Variants in PRKN observed in about 807,000 individuals in gnomAD.
PRKN encodes the protein E3 ubiquitin-protein ligase parkin.
Under a neutral mutation model 59.5 loss-of-function variants are expected in PRKN, and 56 were observed. The ratio of observed to expected loss-of-function variants is 0.94; its 90% CI spans 0.76 to 1.18. The LOEUF (loss-of-function observed/expected upper bound fraction) is 1.18. Among genes scored for constraint, PRKN ranks in the 50% most tolerant of loss-of-function variants. The probability of loss-of-function intolerance (pLI) is 0.00; values close to 1 mark genes in which losing one functional copy is unlikely to be tolerated. For missense variants in PRKN, 657 were observed against 596.4 expected (o/e 1.10, Z -1.06); for synonymous variants, 250 against 222.1 (o/e 1.13, Z -1.12).
intron 7 of PRKN, among the ~76,000 whole-genome samples, chr6:161,656,045 G>C (rs1470842970): frequency 3.3e-5 from 5 of 152,198 alleles, no homozygotes; most frequent in African/African-American, 7.2e-5. Flanking sequence ...CTAGTCTGGG[G>C]AGACAGCCGA....
chr6:162,472,511 C>T (rs1201569539), intron 1 of PRKN, among the ~76,000 whole-genome samples: 2 of 108,680 alleles, frequency 1.8e-5, no homozygotes, highest in South Asian at 3.2e-4. Flanking sequence ...GACGGAGTCT[C>T]GCTCTGTCGC....
intron 1 of PRKN, among the ~76,000 whole-genome samples, chr6:162,606,418 G>A (rs533249056): frequency 9.9e-4 from 151 of 152,238 alleles, no homozygotes; most frequent in African/African-American, 3.5e-3. Flanking sequence ...TATTGAATAC[G>A]ATATTGAAAG....
intron 1 of PRKN, among the ~76,000 whole-genome samples, chr6:162,717,845 C>A (rs1488662845): frequency 6.6e-6 from 1 of 152,182 alleles, no homozygotes; most frequent in African/African-American, 2.4e-5. Flanking sequence ...CATAATTTGA[C>A]ACAAAAGTAG....
chr6:162,470,611 A>G (rs957499173), intron 1 of PRKN, among the ~76,000 whole-genome samples: 9 of 152,196 alleles, frequency 5.9e-5, no homozygotes, highest in Non-Finnish European at 8.8e-5. Flanking sequence ...ATGCTTGTGA[A>G]GCATACATTC....
intron 4 of PRKN, among the ~76,000 whole-genome samples, chr6:162,169,738 A>G (rs1337453632): frequency 6.6e-6 from 1 of 152,210 alleles, no homozygotes; most frequent in African/African-American, 2.4e-5. Context: ...AAACTGCGTT[A>G]CAGCTGCATT....
chr6:161,955,756 A>G (rs1164701917), intron 6 of PRKN, among the ~76,000 whole-genome samples: 1 of 152,238 alleles, frequency 6.6e-6, no homozygotes, highest in East Asian at 1.9e-4. Flanking sequence ...AGGCTGAGGC[A>G]GGAGAATCGC....
intron 2 of PRKN, among the ~76,000 whole-genome samples, chr6:162,436,395 C>T (rs1473546018): frequency 6.6e-6 from 1 of 150,824 alleles, no homozygotes; most frequent in Non-Finnish European, 1.5e-5. Flanking sequence ...TGCAATGGCG[C>T]AATCTTGGCT....
chr6:161,496,396 C>T (rs185474335), intron 9 of PRKN, among the ~76,000 whole-genome samples: 10 of 152,362 alleles, frequency 6.6e-5, no homozygotes, highest in African/African-American at 2.2e-4. Context: ...CTAATAAAGA[C>T]ATACTCGACA....
At chr6:162,308,494 C>T (rs1038988598) in intron 2 of PRKN, among the ~76,000 whole-genome samples, 8 of 152,114 alleles carry the variant, frequency 5.3e-5, no homozygotes, top group African/African-American at 9.7e-5. Context: ...TCGGTATCTC[C>T]GGCATGATGA....
chr6:161,717,793 C>T (rs1468172602), intron 7 of PRKN, among the ~76,000 whole-genome samples: 6 of 152,136 alleles, frequency 3.9e-5, no homozygotes, highest in Admixed American at 6.5e-5. Context: ...GTGTCACGCC[C>T]GCGAGGGGTG....
At position 162,280,969 on chromosome 6, in the gene PRKN, T is replaced by C. The variant is rs918010047; in HGVS notation, c.172-18204A>G. ...AACCATAAAAAAGAATGAGATCATG[T>C]CCTTTGCAGGGATATGGATGAAACT... On this transcript the variant is annotated intron_variant, in intron 2 of 11. Coordinates refer to ENST00000366898, the MANE Select transcript of PRKN (RefSeq NM_004562.3). 1.1e-4 allele frequency among the ~76,000 whole-genome samples: 17 copies of C among 152,188 alleles called. 1 individual carries two copies. In the South Asian group the frequency reaches 2.3e-3, roughly 20 times the overall value.
At chr6:162,123,537 A>T (rs966865433) in intron 4 of PRKN, among the ~76,000 whole-genome samples, 3 of 152,198 alleles carry the variant, frequency 2.0e-5, no homozygotes, top group Non-Finnish European at 4.4e-5. Flanking sequence ...CATTTAAGTT[A>T]TTCTTTAGGT....
intron 4 of PRKN, among the ~76,000 whole-genome samples, chr6:162,138,887 A>T (rs1277673663): frequency 2.0e-5 from 3 of 152,200 alleles, no homozygotes; most frequent in African/African-American, 7.2e-5. Context: ...TGACCTATGA[A>T]GCAATACCAA....
rs993079169 is a variant in PRKN at position 161,373,153 on chromosome 6, G to A, written c.1168-12948C>T. ...CTCTGGGAAACCGAGGTCTTTGCTCGTCAGGCCTTCCATGGACTGGGTGAG... is the reference window on the plus strand; with the variant it reads ...CTCTGGGAAACCGAGGTCTTTGCTCATCAGGCCTTCCATGGACTGGGTGAG... On this transcript the variant is annotated intron_variant, in intron 10 of 11. Transcript: ENST00000366898. This position sits in a 1 kb window ranked among gnomAD's most constrained non-coding sequence, Gnocchi z 4.8. 4.6e-5 allele frequency among the ~76,000 whole-genome samples: 7 copies of A among 152,116 alleles called. No individual in the cohort carries two copies. The highest frequency in any genetic ancestry group is 1.3e-4 in the Admixed American group (2 of 15,282).
At chr6:162,679,335 C>T (rs1353059216) in intron 1 of PRKN, among the ~76,000 whole-genome samples, 2 of 151,994 alleles carry the variant, frequency 1.3e-5, no homozygotes, top group Non-Finnish European at 2.9e-5. Flanking sequence ...GACTCCTGAC[C>T]TCAAGTGATC....
intron 3 of PRKN, among the ~76,000 whole-genome samples, chr6:162,257,134 C>T (rs1341292085): frequency 6.6e-6 from 1 of 152,124 alleles, no homozygotes; most frequent in African/African-American, 2.4e-5. Context: ...CTCCTTCCCG[C>T]TCTATTTCAT....
At chr6:162,188,731 G>A (rs141378955) in intron 4 of PRKN, among the ~76,000 whole-genome samples, 223 of 150,190 alleles carry the variant, frequency 1.5e-3, no homozygotes, top group Admixed American at 5.6e-3. Flanking sequence ...CATTGTAGCT[G>A]CTTTAAACAT....
intron 2 of PRKN, among the ~76,000 whole-genome samples, chr6:162,289,212 G>A (rs1278927205): frequency 1.3e-5 from 2 of 152,100 alleles, no homozygotes; most frequent in Non-Finnish European, 2.9e-5. Flanking sequence ...CTTCCTTGTA[G>A]ATATCCACCT....
chr6:161,415,014 TTC>T (rs1205632112), intron 9 of PRKN, among the ~76,000 whole-genome samples: 4 of 152,206 alleles, frequency 2.6e-5, no homozygotes, highest in African/African-American at 9.7e-5. Context: ...CGTCACCTGG[TTC>T]TTACCCACGA....
Sources: allele counts gnomAD v4.1 joint callset (sites outside exome capture counted in the v4.1 genomes callset), GRCh38; gene constraint gnomAD v4.1.1; non-coding constraint Gnocchi (gnomAD v3.1); transcripts MANE v1.5; gene names NCBI Gene and HGNC (gene_info 2026-07-23, HGNC 2026-07-21).